Variants in SP100 observed in about 807,000 individuals in gnomAD.
SP100 encodes the protein nuclear autoantigen Sp-100.
SP100 carries 84 observed loss-of-function variants against 130.0 expected under a neutral mutation model. The ratio of observed to expected loss-of-function variants is 0.65; its 90% CI spans 0.54 to 0.77. The LOEUF (loss-of-function observed/expected upper bound fraction) is 0.77, where lower values mean the gene tolerates loss of function less well. SP100 is among the 30% of genes least tolerant of loss of function. SP100 has a pLI of 0.00. For synonymous variants in SP100, 331 were observed against 351.7 expected (o/e 0.94, Z 0.66); for missense variants, 978 against 1,052.2 (o/e 0.93, Z 0.97).
chr2:230,498,362 C>A, intron 18 of SP100, 99 bp from the exon 19 acceptor site: 1 of 572,716 alleles, frequency 1.7e-6, no homozygotes, highest in Non-Finnish European at 2.9e-6. Context: ...GTGTGTTAGG[C>A]TCTGGAAAAG....
chr2:230,454,518 T>A (rs1049288223), intron 8 of SP100, among the ~76,000 whole-genome samples: 6 of 152,150 alleles, frequency 3.9e-5, no homozygotes, highest in African/African-American at 1.2e-4. Flanking sequence ...ATTTAAAAAA[T>A]TTTTTCCCTT....
At chr2:230,430,901 C>T (rs1200682002) in intron 2 of SP100, among the ~76,000 whole-genome samples, 1 of 152,238 alleles carries the variant, frequency 6.6e-6, no homozygotes, top group Non-Finnish European at 1.5e-5. Flanking sequence ...GGCAGGGTGG[C>T]TGGCTTGATT....
In SP100 at chr2:230,446,999, A is replaced by G; in HGVS notation, c.523+97A>G. ...ATCAGGGAAGACATATGGAAGGACT[A>G]TGGAGAAGTCAAGGAGAGAGTTATA... On this transcript the variant is annotated intron_variant, in intron 5 of 28. Coordinates refer to ENST00000340126, the MANE Select transcript of SP100 (RefSeq NM_001080391.2). 6 of 718,162 alleles carry G rather than the reference A, an allele frequency of 8.4e-6. No individual in the cohort carries two copies. The South Asian group carries it at 8.8e-5, about 11-fold the overall frequency. The allele number at this position is 718,162 out of a possible 1,614,324, so 44.5% of individuals were successfully genotyped here.
At chr2:230,443,622 CTT>C (rs2063557361) in intron 3 of SP100, among the ~76,000 whole-genome samples, 1 of 152,122 alleles carries the variant, frequency 6.6e-6, no homozygotes, top group African/African-American at 2.4e-5. Flanking sequence ...CATTTGTTTT[CTT>C]TTTCTTTCCT....
At position 230,506,348 on chromosome 2, in the gene SP100, C is replaced by T. The variant is rs752551047; in HGVS notation, c.1916C>T (p.Thr639Ile). Residue 639 changes from threonine to isoleucine, a missense_variant, in exon 22 of 29, where the codon ACT becomes ATT. Thr to Ile is a moderately conservative substitution (Grantham distance 89). Coordinates refer to ENST00000340126, the MANE Select transcript of SP100 (RefSeq NM_001080391.2). ...CAGAGTGAGGATAAAAAGTGGTTCA[C>T]TCCCAGGGAATTTGAAATTGAAGGA... ...CIQSEDKKWF[T>I]PREFEIEGDR... 5 of 1,613,950 alleles carry T rather than the reference C, an allele frequency of 3.1e-6. No homozygotes were observed. Among genetic ancestry groups the T allele is most frequent in the South Asian group, 1.1e-5 (1 of 91,078 alleles).
At chr2:230,417,111 A>T (rs1379911707) in intron 1 of SP100, among the ~76,000 whole-genome samples, 1 of 152,192 alleles carries the variant, frequency 6.6e-6, no homozygotes, top group Non-Finnish European at 1.5e-5. Flanking sequence ...CATCTTTGCC[A>T]CTCAGCCATT....
At chr2:230,512,163 G>T (rs1046239515) in intron 24 of SP100, among the ~76,000 whole-genome samples, 3 of 151,890 alleles carry the variant, frequency 2.0e-5, no homozygotes. Flanking sequence ...CACAGTGCTG[G>T]CCAGGAAGAA....
At chr2:230,519,112 T>G (rs1170437942) in intron 24 of SP100, among the ~76,000 whole-genome samples, 1 of 152,216 alleles carries the variant, frequency 6.6e-6, no homozygotes, top group African/African-American at 2.4e-5. Flanking sequence ...GTGTAAAACA[T>G]TTATATCTCA....
chr2:230,455,201 A>G (rs892985475), intron 8 of SP100, among the ~76,000 whole-genome samples: 4 of 152,082 alleles, frequency 2.6e-5, no homozygotes, highest in Admixed American at 2.6e-4. Context: ...AGCTGAGATG[A>G]CAGGCATGTA....
At chr2:230,504,499 G>A (rs1575765138) in intron 21 of SP100, among the ~76,000 whole-genome samples, 1 of 152,178 alleles carries the variant, frequency 6.6e-6, no homozygotes. Flanking sequence ...TAGGGAAAAT[G>A]CACATGGGGT....
chr2:230,499,034 C>A (rs1465520647), intron 19 of SP100, among the ~76,000 whole-genome samples: 1 of 152,142 alleles, frequency 6.6e-6, no homozygotes, highest in Non-Finnish European at 1.5e-5. Context: ...CCGTGGATCT[C>A]CTACAGGACT....
intron 2 of SP100, among the ~76,000 whole-genome samples, chr2:230,430,775 A>T (rs2063075368): frequency 6.6e-6 from 1 of 152,112 alleles, no homozygotes; most frequent in Non-Finnish European, 1.5e-5. Flanking sequence ...CACCATTGAG[A>T]GAGGTCATTG....
At chr2:230,454,605 C>T (rs980629602) in intron 8 of SP100, among the ~76,000 whole-genome samples, 26 of 152,042 alleles carry the variant, frequency 1.7e-4, no homozygotes, top group South Asian at 6.2e-4. Flanking sequence ...CAAAATTCCT[C>T]GTTATTGATT....
intron 8 of SP100, among the ~76,000 whole-genome samples, chr2:230,456,640 T>C (rs2064287954): frequency 6.6e-6 from 1 of 152,224 alleles, no homozygotes; most frequent in African/African-American, 2.4e-5. Context: ...GTATTTCAAA[T>C]AACCTGTCTT....
intron 7 of SP100, 142 bp from the exon 8 acceptor site, chr2:230,450,030 C>A: frequency 1.6e-6 from 1 of 641,336 alleles, no homozygotes; most frequent in Non-Finnish European, 2.8e-6. Context: ...GAAGCACGAA[C>A]ACCTTCACGC....
At position 230,450,273 on chromosome 2, in the gene SP100, T is replaced by A; in HGVS notation, c.820+18T>A. The A allele has an allele frequency of 1.3e-6, 2 of 1,589,566 alleles. No individual in the cohort carries two copies. Among genetic ancestry groups the A allele is most frequent in the South Asian group, 2.2e-5 (2 of 90,288 alleles). On this transcript the variant is annotated intron_variant, in intron 8 of 28. Transcript: ENST00000340126. The stretch of plus-strand genomic sequence containing the variant: ...TGAAGAAAGTAATTATTGCTTACCT[T>A]GCCTATTTTCTTTCCTTTCTTATTC...
rs960612429 is a variant in SP100, at chr2:230,507,908, G to C, written c.2014-85G>C. 3.4e-6 allele frequency: 4 copies of C among 1,175,544 alleles called. No homozygotes were observed. In the African/African-American group the frequency reaches 6.2e-5, roughly 18 times the overall value. The allele number at this position is 1,175,544 out of a possible 1,614,324, so 72.8% of individuals were successfully genotyped here. A position where few individuals can be genotyped will look rare whatever the true frequency, so the allele number is the denominator to read the frequency against. ...AGTTAATAGTGGGATATCCAGGTAG[G>C]AATATTTGGAAGGCAGTCAGAAATA... On this transcript the variant is annotated intron_variant, in intron 22 of 28. Transcript: ENST00000340126.
chr2:230,469,168 G>A, intron 14 of SP100, 72 bp downstream of exon 14: 1 of 944,952 alleles, frequency 1.1e-6, no homozygotes. Flanking sequence ...CACTTTTTAT[G>A]TTATATCCTT....
intron 18 of SP100, among the ~76,000 whole-genome samples, chr2:230,494,705 A>G (rs1439537334): frequency 6.6e-6 from 1 of 152,160 alleles, no homozygotes; most frequent in East Asian, 1.9e-4. Flanking sequence ...GAGGTTTCCA[A>G]CTGTGGGTCC....
Sources: gnomAD v4.1 joint callset for allele counts (sites outside exome capture counted in the v4.1 genomes callset) on GRCh38, gnomAD v4.1.1 for gene constraint, MANE v1.5 for transcripts, NCBI Gene and HGNC (gene_info 2026-07-23, HGNC 2026-07-21) for gene names.